The following TEKT5 variants were observed in gnomAD, a reference collection of about 807,000 sequenced individuals.
The protein encoded by TEKT5 is tektin-5.
TEKT5 carries 52 observed loss-of-function variants against 48.7 expected under a neutral mutation model. The observed-to-expected ratio is 1.07, with a 90% CI of 0.86 to 1.35. The LOEUF (loss-of-function observed/expected upper bound fraction) is 1.35, where lower values mean the gene tolerates loss of function less well. Ranked by LOEUF, TEKT5 falls within the 40% of genes most tolerant of loss-of-function variation. TEKT5 has a pLI of 0.00. For synonymous variants in TEKT5, 318 were observed against 267.6 expected, an observed-to-expected ratio of 1.19 and a Z score of -1.84; for missense variants, 831 against 641.6, an observed-to-expected ratio of 1.30 and a Z score of -3.19.
At chr16:10,689,521 C>CTTTT (rs35713504) in intron 2 of TEKT5, among the ~76,000 whole-genome samples, 198 bp from the exon 3 acceptor site, 2 of 105,546 alleles carry the variant, frequency 1.9e-5, no homozygotes, top group African/African-American at 3.7e-5. Flanking sequence ...GAGGCTCCAC[C>CTTTT]TTTTTTTTTT....
intron 1 of TEKT5, among the ~76,000 whole-genome samples, chr16:10,692,049 C>A (rs958146891): frequency 6.6e-6 from 1 of 151,976 alleles, no homozygotes; most frequent in Non-Finnish European, 1.5e-5. Flanking sequence ...ATTGGGAGAC[C>A]AGGTGGCTTA....
At chr16:10,652,057 C>G (rs558009065) in intron 5 of TEKT5, among the ~76,000 whole-genome samples, 5 of 152,338 alleles carry the variant, frequency 3.3e-5, no homozygotes, top group Non-Finnish European at 7.3e-5. Context: ...GGCCAATGTC[C>G]TATCCTCTCT....
rs1299521656 is a variant in TEKT5, at chr16:10,663,337, G to GA, written c.1086+12621dup. Among the ~76,000 whole-genome samples, 10 of 152,192 alleles carry GA rather than the reference G, an allele frequency of 6.6e-5. No individual in the cohort carries two copies. In the South Asian group the frequency reaches 1.0e-3, roughly 16 times the overall value. ...CAAGAAATTATTTTTGATGTGGAAG[G>GA]AAAAAAATGGATTTAGTAGTTCCAG... On this transcript the variant is annotated intron_variant, in intron 5 of 6. Transcript: ENST00000283025.
At chr16:10,648,475 T>A (rs1247101230) in intron 5 of TEKT5, among the ~76,000 whole-genome samples, 7 of 152,004 alleles carry the variant, frequency 4.6e-5, no homozygotes, top group Non-Finnish European at 8.8e-5. Context: ...TGCTACCACA[T>A]CTGGCTGATT....
At chr16:10,675,912 G>C (rs781276310) in intron 5 of TEKT5, 47 bp downstream of exon 5, 2 of 1,588,116 alleles carry the variant, frequency 1.3e-6, no homozygotes. Flanking sequence ...CGGGAGAAGG[G>C]TGAGGGCTTG....
At chr16:10,652,042 C>T (rs534800804) in intron 5 of TEKT5, among the ~76,000 whole-genome samples, 1 of 152,136 alleles carries the variant, frequency 6.6e-6, no homozygotes, top group Non-Finnish European at 1.5e-5. Flanking sequence ...AGCTGGGGGG[C>T]CTTGGGCCAA....
At chr16:10,631,033 C>T (rs925987736) in intron 6 of TEKT5, among the ~76,000 whole-genome samples, 34 of 150,894 alleles carry the variant, frequency 2.3e-4, no homozygotes, top group African/African-American at 6.3e-4. Flanking sequence ...CATGGTGAAA[C>T]GCAGTCCCTA....
Position 10,641,938 on chromosome 16 carries a change from G to A in TEKT5, c.1087-6020C>T, listed in dbSNP as rs542386116. Among the ~76,000 whole-genome samples, 6 of 152,352 alleles carry A rather than the reference G, an allele frequency of 3.9e-5. No individual in the cohort carries two copies. The South Asian group carries it at 1.2e-3, about 32-fold the overall frequency. On this transcript the variant is annotated intron_variant, in intron 5 of 6. Transcript: ENST00000283025. ...ACGAGACTAGCTCCAAAGAACAGTCGCAGAGAGCGACAAGCTCTGAAGAAG... is the reference window on the plus strand; with the variant it reads ...ACGAGACTAGCTCCAAAGAACAGTCACAGAGAGCGACAAGCTCTGAAGAAG...
At chr16:10,663,323 T>G (rs1548957) in intron 5 of TEKT5, among the ~76,000 whole-genome samples, 65,566 of 152,002 alleles carry the variant, frequency 0.43, 14,895 homozygotes, top group East Asian at 0.64. Flanking sequence ...AAGAAATTAT[T>G]TTTGATGTGG....
At chr16:10,640,681 C>T (rs1897981340) in intron 5 of TEKT5, among the ~76,000 whole-genome samples, 1 of 152,086 alleles carries the variant, frequency 6.6e-6, no homozygotes, top group Admixed American at 6.6e-5. Context: ...TGTCACGGTG[C>T]ATTAGTTTGC....
chr16:10,642,995 A>C (rs1424423296), intron 5 of TEKT5, among the ~76,000 whole-genome samples: 1 of 152,224 alleles, frequency 6.6e-6, no homozygotes. Flanking sequence ...AACACAAAGA[A>C]ATGATGTTTG....
chr16:10,683,834 C>T (rs555668293), intron 3 of TEKT5, among the ~76,000 whole-genome samples: 2 of 152,356 alleles, frequency 1.3e-5, no homozygotes, highest in South Asian at 4.1e-4. Flanking sequence ...CTCAGGCGAT[C>T]CGCCTGCCTT....
chr16:10,693,878 G>C (rs141792978), intron 1 of TEKT5, among the ~76,000 whole-genome samples: 4 of 152,174 alleles, frequency 2.6e-5, no homozygotes, highest in African/African-American at 9.6e-5. Flanking sequence ...GCTGAGGCAC[G>C]AGAGTCGCTT....
chr16:10,635,079 G>A (rs1190407632), intron 6 of TEKT5, among the ~76,000 whole-genome samples: 1 of 152,120 alleles, frequency 6.6e-6, no homozygotes, highest in Non-Finnish European at 1.5e-5. Flanking sequence ...GTGGCCAAGT[G>A]GTTTGCCCCA....
chr16:10,634,085 C>A (rs1249929302), intron 6 of TEKT5, among the ~76,000 whole-genome samples: 1 of 152,162 alleles, frequency 6.6e-6, no homozygotes, highest in Non-Finnish European at 1.5e-5. Context: ...ATCGCTGGAC[C>A]AAGACCTGTG....
At chr16:10,631,505 G>C (rs920236209) in intron 6 of TEKT5, among the ~76,000 whole-genome samples, 1 of 152,090 alleles carries the variant, frequency 6.6e-6, no homozygotes, top group South Asian at 2.1e-4. Context: ...GGAGCGGATC[G>C]GGTGGTGTTC....
intron 4 of TEKT5, among the ~76,000 whole-genome samples, chr16:10,676,890 G>A (rs750698639): frequency 1.3e-5 from 2 of 150,254 alleles, no homozygotes; most frequent in Non-Finnish European, 3.0e-5. Flanking sequence ...TGCTGGGAAG[G>A]GATTTAGAAA....
chr16:10,691,032 G>A (rs573708298), intron 1 of TEKT5, among the ~76,000 whole-genome samples: 1 of 152,226 alleles, frequency 6.6e-6, no homozygotes, highest in African/African-American at 2.4e-5. Flanking sequence ...TACTAGGGGA[G>A]AGAACACCCA....
intron 5 of TEKT5, among the ~76,000 whole-genome samples, chr16:10,638,586 C>A (rs1897947804): frequency 6.6e-6 from 1 of 152,204 alleles, no homozygotes; most frequent in South Asian, 2.1e-4. Context: ...TTTCATTTGC[C>A]CAGACACTCC....
Sources: allele counts gnomAD v4.1 joint callset (sites outside exome capture counted in the v4.1 genomes callset), GRCh38; gene constraint gnomAD v4.1.1; transcripts MANE v1.5; gene names NCBI Gene and HGNC (gene_info 2026-07-23, HGNC 2026-07-21).